The following MALRD1 variants were observed in gnomAD, a reference collection of about 807,000 sequenced individuals.
MALRD1 encodes MAM and LDL receptor class A domain containing 1, also known as MAM and LDL-receptor class A domain-containing protein 1.
A neutral mutation model predicts 242.1 loss-of-function variants in MALRD1; 247 were observed. The observed-to-expected ratio is 1.02, with a 90% confidence interval of 0.92 to 1.13. The LOEUF (loss-of-function observed/expected upper bound fraction) is 1.13. MALRD1 is among the 50% of genes most tolerant of loss of function. MALRD1 has a pLI of 0.00. For synonymous variants in MALRD1, 995 were observed against 866.6 expected (o/e 1.15, Z -2.60); for missense variants, 2,989 against 2,533.1 (o/e 1.18, Z -3.86).
At chr10:19,159,591 G>C (rs1421012864) in intron 12 of MALRD1, among the ~76,000 whole-genome samples, 1 of 151,660 alleles carries the variant, frequency 6.6e-6, no homozygotes, top group Admixed American at 6.6e-5. Flanking sequence ...TGAGAAAATT[G>C]GCAGAAAATT....
At chr10:19,484,734 C>G (rs1837164651) in intron 29 of MALRD1, among the ~76,000 whole-genome samples, 2 of 151,994 alleles carry the variant, frequency 1.3e-5, no homozygotes, top group South Asian at 4.1e-4. Flanking sequence ...GAAATGTAAA[C>G]TAATACAACC....
At chr10:19,467,408 A>G (rs894358037) in intron 29 of MALRD1, among the ~76,000 whole-genome samples, 4 of 150,350 alleles carry the variant, frequency 2.7e-5, no homozygotes, top group Non-Finnish European at 5.9e-5. Context: ...AAAAAAAAAA[A>G]AAAAGAAAAA....
At chr10:19,632,868 G>C (rs1326091494) in intron 36 of MALRD1, among the ~76,000 whole-genome samples, 1 of 152,148 alleles carries the variant, frequency 6.6e-6, no homozygotes, top group Non-Finnish European at 1.5e-5. Flanking sequence ...TCCAGATTAT[G>C]AGTGTGATTT....
intron 38 of MALRD1, among the ~76,000 whole-genome samples, chr10:19,719,344 G>T (rs143219780): frequency 0.016 from 2,332 of 149,988 alleles, 25 homozygotes; most frequent in Middle Eastern, 0.042. Context: ...CACTGCACTT[G>T]TGAAGTGGAG....
intron 36 of MALRD1, among the ~76,000 whole-genome samples, chr10:19,648,239 A>G (rs1840730351): frequency 6.6e-6 from 1 of 152,180 alleles, no homozygotes; most frequent in Admixed American, 6.5e-5. Context: ...AAATAGAAAG[A>G]TCTTATTAAC....
chr10:19,491,548 C>G lies in MALRD1; in HGVS notation c.5061C>G (p.Ile1687Met). The G allele has an allele frequency of 3.9e-6, 6 of 1,550,114 alleles. No individual in the cohort carries two copies. In the South Asian group the frequency reaches 4.8e-5, roughly 12 times the overall value. Residue 1687 changes from isoleucine (I) to methionine (M), a missense_variant, in exon 30 of 40, where the codon ATC (isoleucine) becomes ATG (methionine). Physicochemically the swap from Ile to Met is conservative, Grantham distance 10. Transcript: ENST00000454679. ...AGATCTCTGAGCTTTGTCCGGAAATCACTGATTTTTTGTGCCGGGACAAGA... is the reference window on the plus strand; with the variant it reads ...AGATCTCTGAGCTTTGTCCGGAAATGACTGATTTTTTGTGCCGGGACAAGA... ...VGEISELCPEITDFLCRDKKC... is the reference protein window; with the variant it reads ...VGEISELCPEMTDFLCRDKKC...
At chr10:19,462,603 C>T (rs1299060591) in intron 29 of MALRD1, among the ~76,000 whole-genome samples, 1 of 152,218 alleles carries the variant, frequency 6.6e-6, no homozygotes, top group Non-Finnish European at 1.5e-5. Flanking sequence ...AATGAAAACA[C>T]AAATCCACTA....
intron 30 of MALRD1, among the ~76,000 whole-genome samples, chr10:19,493,966 G>A (rs1837606690): frequency 6.6e-6 from 1 of 152,160 alleles, no homozygotes; most frequent in Non-Finnish European, 1.5e-5. Context: ...CCACGACACA[G>A]TAAAAACTTG....
intron 34 of MALRD1, among the ~76,000 whole-genome samples, chr10:19,599,211 A>G (rs1230313530): frequency 6.6e-6 from 1 of 152,154 alleles, no homozygotes; most frequent in Non-Finnish European, 1.5e-5. Context: ...TGTAGGACTA[A>G]GGATTTGGAG....
intron 32 of MALRD1, among the ~76,000 whole-genome samples, chr10:19,562,751 A>C (rs1836042028): frequency 6.6e-6 from 1 of 152,048 alleles, no homozygotes; most frequent in Non-Finnish European, 1.5e-5. Context: ...TCTGAGCTCC[A>C]CCTCCTGTCA....
intron 28 of MALRD1, among the ~76,000 whole-genome samples, chr10:19,430,110 C>CATTTTT: frequency 1.9e-5 from 1 of 52,776 alleles, no homozygotes; most frequent in Admixed American, 1.5e-4. Context: ...TCTCCATTTT[C>CATTTTT]CTTTTTTTTT....
At chr10:19,604,103 A>G (rs1024251337) in intron 34 of MALRD1, among the ~76,000 whole-genome samples, 3 of 152,210 alleles carry the variant, frequency 2.0e-5, no homozygotes, top group African/African-American at 7.2e-5. Context: ...ACACCAAGAT[A>G]GGCTGAAAGC....
intron 33 of MALRD1, among the ~76,000 whole-genome samples, chr10:19,587,616 T>A (rs187570343): frequency 6.6e-6 from 1 of 152,268 alleles, no homozygotes; most frequent in Non-Finnish European, 1.5e-5. Flanking sequence ...ATAAGAAATA[T>A]GTTTCTACTG....
At chr10:19,691,657 C>T (rs773725793) in intron 36 of MALRD1, among the ~76,000 whole-genome samples, 17 of 152,018 alleles carry the variant, frequency 1.1e-4, no homozygotes, top group South Asian at 4.1e-4. Flanking sequence ...CTCTTTCATT[C>T]GTAACTTTCT....
chr10:19,453,877 A>G (rs1016777343), intron 29 of MALRD1, among the ~76,000 whole-genome samples: 1 of 71,874 alleles, frequency 1.4e-5, no homozygotes, highest in South Asian at 5.5e-4. Context: ...ACTCCGTCTG[A>G]AAAAAAAAAA....
At chr10:19,730,891 C>G (rs1263257333) in intron 39 of MALRD1, 110 bp downstream of exon 39, 10 of 1,014,638 alleles carry the variant, frequency 9.9e-6, no homozygotes, top group Non-Finnish European at 1.4e-5. Flanking sequence ...TACATCATAA[C>G]TAAAAGAAAT....
At chr10:19,496,902 C>T (rs1837744408) in intron 30 of MALRD1, among the ~76,000 whole-genome samples, 1 of 151,972 alleles carries the variant, frequency 6.6e-6, no homozygotes, top group Non-Finnish European at 1.5e-5. Flanking sequence ...GCAGTGTTTT[C>T]ATAAGGAGTT....
intron 34 of MALRD1, among the ~76,000 whole-genome samples, chr10:19,604,628 A>G (rs1303239609): frequency 6.6e-6 from 1 of 152,202 alleles, no homozygotes; most frequent in African/African-American, 2.4e-5. Flanking sequence ...ATGTGGCTGC[A>G]CTGAACAACG....
intron 4 of MALRD1, among the ~76,000 whole-genome samples, chr10:19,095,740 T>C (rs995505574): frequency 1.3e-5 from 2 of 152,166 alleles, no homozygotes. Context: ...TAATTTGCTG[T>C]GGATGCTCAA....
Sources: gnomAD v4.1 joint callset for allele counts (sites outside exome capture counted in the v4.1 genomes callset) on GRCh38, gnomAD v4.1.1 for gene constraint, MANE v1.5 for transcripts, NCBI Gene and HGNC (gene_info 2026-07-23, HGNC 2026-07-21) for gene names.